NELL1: variants seen among roughly 807,000 people sequenced by gnomAD.
NELL1 encodes the protein neural EGFL like 1, also known as protein kinase C-binding protein NELL1.
NELL1 carries 76 observed loss-of-function variants against 107.4 expected under a neutral mutation model. The observed-to-expected ratio is 0.71, with a 90% CI of 0.59 to 0.86. NELL1 has a LOEUF of 0.86. Ranked by LOEUF, NELL1 falls within the 40% of genes least tolerant of loss-of-function variation. The pLI is 0.00. For missense variants in NELL1, 1,024 were observed against 1,005.5 expected (o/e 1.02, Z -0.25); for synonymous variants, 353 against 341.2 (o/e 1.03, Z -0.38).
intron 12 of NELL1, among the ~76,000 whole-genome samples, chr11:20,975,185 AT>A (rs5790152): frequency 0.17 from 25,289 of 148,412 alleles, 2,439 homozygotes; most frequent in Middle Eastern, 0.28. Context: ...ATTTTTGTTT[AT>A]TTTTTTTTTA....
At chr11:21,430,565 A>G (rs1304860132) in intron 15 of NELL1, among the ~76,000 whole-genome samples, 1 of 152,178 alleles carries the variant, frequency 6.6e-6, no homozygotes, top group African/African-American at 2.4e-5. Context: ...TGTTTGTTTG[A>G]TGAAGTGCTC....
chr11:20,729,701 T>G (rs1019268137), intron 2 of NELL1, among the ~76,000 whole-genome samples: 2 of 152,142 alleles, frequency 1.3e-5, no homozygotes, highest in Non-Finnish European at 2.9e-5. Context: ...CTCACCTATC[T>G]CCATGGTTAA....
At chr11:21,401,580 A>C (rs1434412060) in intron 15 of NELL1, among the ~76,000 whole-genome samples, 1 of 151,042 alleles carries the variant, frequency 6.6e-6, no homozygotes, top group Non-Finnish European at 1.5e-5. Flanking sequence ...TTGGTTCATC[A>C]TCTCAGATCT....
chr11:21,313,647 C>T (rs1434434023), intron 14 of NELL1, among the ~76,000 whole-genome samples: 1 of 152,172 alleles, frequency 6.6e-6, no homozygotes, highest in Non-Finnish European at 1.5e-5. Flanking sequence ...AGGGCTGCAT[C>T]TGGTGAGGGC....
At chr11:21,280,400 A>G (rs1295391835) in intron 14 of NELL1, among the ~76,000 whole-genome samples, 3 of 152,232 alleles carry the variant, frequency 2.0e-5, no homozygotes, top group African/African-American at 4.8e-5. Flanking sequence ...ACCTGATTTT[A>G]ACTTCATACC....
intron 14 of NELL1, among the ~76,000 whole-genome samples, chr11:21,340,344 G>T (rs894476994): frequency 1.3e-5 from 2 of 152,054 alleles, no homozygotes; most frequent in Admixed American, 6.5e-5. Flanking sequence ...AGTAGAGATG[G>T]TGTTTCACAG....
At chr11:21,402,923 G>A (rs377098520) in intron 15 of NELL1, among the ~76,000 whole-genome samples, 1 of 151,774 alleles carries the variant, frequency 6.6e-6, no homozygotes, top group African/African-American at 2.4e-5. Flanking sequence ...CCTTGCAAAG[G>A]TGAGAGCAGC....
At chr11:20,935,957 T>C (rs1012577454) in intron 9 of NELL1, among the ~76,000 whole-genome samples, 1 of 151,112 alleles carries the variant, frequency 6.6e-6, no homozygotes, top group African/African-American at 2.4e-5. Context: ...AATACAGGAG[T>C]GGAACATATT....
chr11:21,171,704 A>C (rs1007661339), intron 13 of NELL1, among the ~76,000 whole-genome samples: 2 of 151,774 alleles, frequency 1.3e-5, no homozygotes, highest in Non-Finnish European at 2.9e-5. Flanking sequence ...AACCTACTTT[A>C]TTACTGTAAG....
chr11:20,984,723 G>C (rs1472592905), intron 12 of NELL1, among the ~76,000 whole-genome samples: 1 of 151,806 alleles, frequency 6.6e-6, no homozygotes, highest in African/African-American at 2.4e-5. Context: ...TCCTCTTGGT[G>C]GTCTCTGCAG....
At chr11:20,833,103 A>G (rs1364524472) in intron 3 of NELL1, among the ~76,000 whole-genome samples, 2 of 152,184 alleles carry the variant, frequency 1.3e-5, no homozygotes, top group African/African-American at 4.8e-5. Flanking sequence ...GGCCTGGCTT[A>G]GGCATCATTG....
At chr11:21,177,296 G>A (rs1014436195) in intron 13 of NELL1, among the ~76,000 whole-genome samples, 10 of 151,568 alleles carry the variant, frequency 6.6e-5, no homozygotes, top group African/African-American at 2.2e-4. Flanking sequence ...GGTAACCACC[G>A]TTTTACTCCC....
At chr11:21,367,937 C>T (rs1206615845) in intron 14 of NELL1, among the ~76,000 whole-genome samples, 1 of 152,088 alleles carries the variant, frequency 6.6e-6, no homozygotes, top group Non-Finnish European at 1.5e-5. Context: ...CAGTCCTCTG[C>T]ATATCAGAGT....
chr11:21,377,169 T>C (rs926830007), intron 15 of NELL1, among the ~76,000 whole-genome samples: 5 of 152,058 alleles, frequency 3.3e-5, no homozygotes, highest in Non-Finnish European at 5.9e-5. Context: ...CAGTATGATG[T>C]TGGCTGTGGA....
At chr11:20,734,501 G>GAT (rs1355893397) in intron 2 of NELL1, among the ~76,000 whole-genome samples, 1 of 152,092 alleles carries the variant, frequency 6.6e-6, no homozygotes, top group Admixed American at 6.6e-5. Flanking sequence ...TCAGATTTGG[G>GAT]ATATATATAT....
chr11:21,142,295 G>A (rs768192997), intron 13 of NELL1, among the ~76,000 whole-genome samples: 1 of 152,156 alleles, frequency 6.6e-6, no homozygotes, highest in Non-Finnish European at 1.5e-5. Context: ...TCCTGGGATG[G>A]CAGGCACTGT....
intron 15 of NELL1, among the ~76,000 whole-genome samples, chr11:21,428,539 T>C (rs1564889079): frequency 6.6e-6 from 1 of 152,202 alleles, no homozygotes; most frequent in East Asian, 1.9e-4. Flanking sequence ...AATTTATTTT[T>C]TATAAAATGT....
At chr11:21,020,196 G>C (rs1225208472) in intron 12 of NELL1, among the ~76,000 whole-genome samples, 1 of 152,100 alleles carries the variant, frequency 6.6e-6, no homozygotes, top group Non-Finnish European at 1.5e-5. Flanking sequence ...TAAGTGCTTA[G>C]CAGCTGTTAA....
At chr11:20,980,441 A>C (rs1851727581) in intron 12 of NELL1, among the ~76,000 whole-genome samples, 1 of 152,084 alleles carries the variant, frequency 6.6e-6, no homozygotes, top group African/African-American at 2.4e-5. Flanking sequence ...CAGTTTCCTG[A>C]TGAATTCTGC....
Sources: allele counts gnomAD v4.1 joint callset (sites outside exome capture counted in the v4.1 genomes callset), GRCh38; gene constraint gnomAD v4.1.1; transcripts MANE v1.5; gene names NCBI Gene and HGNC (gene_info 2026-07-23, HGNC 2026-07-21).